The following BTAF1 variants were observed in gnomAD, a reference collection of about 807,000 sequenced individuals.
BTAF1 encodes the protein B-TFIID TATA-box binding protein associated factor 1.
In BTAF1, 38 loss-of-function variants were observed where a neutral mutation model predicts 227.1. The observed-to-expected ratio is 0.17, with a 90% confidence interval of 0.13 to 0.22. The LOEUF (loss-of-function observed/expected upper bound fraction) is 0.22, where lower values mean the gene tolerates loss of function less well. Among genes scored for constraint, BTAF1 ranks in the 10% least tolerant of loss-of-function variants. The pLI, the probability that BTAF1 is intolerant of heterozygous loss-of-function variation, is 1.00. For missense variants in BTAF1, 1,598 were observed against 2,204.0 expected (o/e 0.73, Z 5.51); for synonymous variants, 742 against 751.9 (o/e 0.99, Z 0.21).
At chr10:91,932,749 G>A (rs1844355804) in intron 1 of BTAF1, among the ~76,000 whole-genome samples, 1 of 152,226 alleles carries the variant, frequency 6.6e-6, no homozygotes, top group Non-Finnish European at 1.5e-5. Context: ...GTTTCAAGAA[G>A]GTGAAGAACT....
intron 13 of BTAF1, among the ~76,000 whole-genome samples, chr10:91,964,476 A>G (rs917932962): frequency 6.6e-6 from 1 of 152,118 alleles, no homozygotes; most frequent in African/African-American, 2.4e-5. Context: ...AAATATAATC[A>G]TTGAATAGTA....
intron 16 of BTAF1, 141 bp downstream of exon 16, chr10:91,981,933 T>C: frequency 7.4e-7 from 1 of 1,345,836 alleles, no homozygotes; most frequent in Non-Finnish European, 9.9e-7. Flanking sequence ...ATTAGGACCC[T>C]GACAAAATGA....
chr10:92,013,542 T>A, intron 30 of BTAF1, 125 bp from the exon 31 acceptor site: 1 of 1,232,460 alleles, frequency 8.1e-7, no homozygotes. Context: ...TTACACCATA[T>A]GTCTAAAAAT....
chr10:91,981,589 G>A, intron 15 of BTAF1, 54 bp from the exon 16 acceptor site: 2 of 1,519,426 alleles, frequency 1.3e-6, no homozygotes, highest in Non-Finnish European at 8.8e-7. Flanking sequence ...ATAAGTGTTA[G>A]AGTTTATTTT....
At chr10:91,958,653 A>G (rs1164546834) in intron 8 of BTAF1, among the ~76,000 whole-genome samples, 4 of 152,156 alleles carry the variant, frequency 2.6e-5, no homozygotes. Flanking sequence ...CGGTGAGCCA[A>G]GATTGCACCA....
Position 91,989,541 on chromosome 10 carries a change from T to C in BTAF1, c.2815T>C (p.Cys939Arg), listed in dbSNP as rs199619779. Residue 939 changes from cysteine (C) to arginine (R), a missense_variant, in exon 20 of 38, where the codon TGT becomes CGT. Around this residue, in one of 10 missense-constraint regions of BTAF1, gnomAD observed 425 missense variants for 491.2 expected, o/e 0.87. Coordinates refer to ENST00000265990, the MANE Select transcript of BTAF1 (RefSeq NM_003972.3). ...CCCATATCTAACTCCTTGTGTCACA[T>C]GTCCAGTACCAACACAAAGTGGCCA... is the stretch of plus-strand genomic sequence containing the variant. ...VDPYLTPCVT[C>R]PVPTQSGQEN... 182 of 1,611,404 alleles carry C rather than the reference T, an allele frequency of 1.1e-4. 1 individual carries two copies. The East Asian group carries it at 3.9e-3, about 35-fold the overall frequency.
At chr10:91,950,920 C>G (rs1845731728) in intron 4 of BTAF1, among the ~76,000 whole-genome samples, 1 of 150,010 alleles carries the variant, frequency 6.7e-6, no homozygotes, top group South Asian at 2.1e-4. Context: ...GCAGCCTTGA[C>G]CTGGGCTGAA....
chr10:91,936,319 A>G (rs1429456842), intron 2 of BTAF1, among the ~76,000 whole-genome samples: 1 of 150,094 alleles, frequency 6.7e-6, no homozygotes, highest in Non-Finnish European at 1.5e-5. Flanking sequence ...GGCAAATTCT[A>G]CACATTTAAT....
At chr10:92,009,366 C>G (rs1008382722) in intron 28 of BTAF1, among the ~76,000 whole-genome samples, 158 bp downstream of exon 28, 2 of 152,178 alleles carry the variant, frequency 1.3e-5, no homozygotes, top group African/African-American at 2.4e-5. Flanking sequence ...AAGATATAAT[C>G]AGTGAGGCTC....
Position 91,991,042 on chromosome 10 carries a change from C to T in BTAF1, c.2855-1077C>T, listed in dbSNP as rs1373497051. ...CGGGTGGATCACGAGGTCAGAAGTT[C>T]GAGACCATCCTGACTAGCATGGTGA... On this transcript the variant is annotated intron_variant, in intron 20 of 37. Coordinates refer to ENST00000265990, the MANE Select transcript of BTAF1 (RefSeq NM_003972.3). Among the ~76,000 whole-genome samples, 13 of 151,010 alleles carry T rather than the reference C, an allele frequency of 8.6e-5. No individual in the cohort carries two copies. In the East Asian group the frequency reaches 1.0e-3, roughly 12 times the overall value.
chr10:91,999,029 C>T (rs867386410), intron 25 of BTAF1, among the ~76,000 whole-genome samples: 183 of 148,310 alleles, frequency 1.2e-3, no homozygotes, highest in Middle Eastern at 0.01. Context: ...TGCCACTGCA[C>T]TCCAGCCTGG....
Position 92,030,004 on chromosome 10 carries a change from A to G in BTAF1, c.*1071A>G, listed in dbSNP as rs1851792872. ...GGTAGGTATATGTAGATAGATGTGCATGTATGTGTTTGTATATATAATTTT... is the reference window on the plus strand; with the variant it reads ...GGTAGGTATATGTAGATAGATGTGCGTGTATGTGTTTGTATATATAATTTT... On this transcript the variant is annotated 3_prime_UTR_variant, in exon 38 of 38. Coordinates refer to ENST00000265990, the MANE Select transcript of BTAF1 (RefSeq NM_003972.3). The G allele has an allele frequency of 6.6e-6, 1 of 152,578 alleles. No homozygotes were observed. The highest frequency in any genetic ancestry group is 6.5e-5 in the Admixed American group (1 of 15,274). The allele number at this position is 152,578 out of a possible 1,614,324, so 9.5% of individuals were successfully genotyped here.
intron 1 of BTAF1, among the ~76,000 whole-genome samples, chr10:91,933,912 G>T (rs774918010): frequency 6.6e-6 from 1 of 152,176 alleles, no homozygotes; most frequent in Non-Finnish European, 1.5e-5. Flanking sequence ...GATTGAATAA[G>T]GATAGAAGGG....
In BTAF1 at chr10:91,992,130, GA is replaced by G; in HGVS notation, c.2871del (p.Asp958MetfsTer13). On this transcript the variant is annotated frameshift_variant, in exon 21 of 38. Coordinates refer to ENST00000265990, the MANE Select transcript of BTAF1 (RefSeq NM_003972.3). LOFTEE classifies it high-confidence loss of function. ...GQENSKGSTSEKDGMHHTVTK... is the reference protein window; with the variant it reads ...GQENSKGSTSXKDGMHHTVTK... The stretch of plus-strand genomic sequence containing the variant: ...TTTTTTCTTATTAGGATCCACCTCA[GA>G]AAAAGATGGAATGCACCATACTGTC... The G allele has an allele frequency of 6.4e-7, 1 of 1,570,256 alleles. No homozygotes were observed. The highest frequency in any genetic ancestry group is 8.6e-7 in the Non-Finnish European group (1 of 1,157,280).
In BTAF1 at chr10:92,026,638, G is replaced by A. The variant is rs756135288; in HGVS notation, c.5122G>A (p.Val1708Ile). ...AGACGTTCTGTTACTTACCACTCAC[G>A]TTGGTGGCCTGGGACTTAATTTGAC... ...SIDVLLLTTH[V>I]GGLGLNLTGA... Residue 1708 changes from valine to isoleucine, a missense_variant, in exon 36 of 38, where the codon GTT becomes ATT. By Grantham distance (29) the Val-to-Ile change is conservative. Transcript: ENST00000265990. 4.3e-6 allele frequency: 7 copies of A among 1,613,646 alleles called. No homozygotes were observed. Among genetic ancestry groups the A allele is most frequent in the South Asian group, 3.3e-5 (3 of 91,062 alleles).
In BTAF1 at chr10:92,011,087, TA is replaced by T; in HGVS notation, c.4123del (p.Arg1375GlyfsTer4). 6.2e-7 allele frequency: 1 copy of T among 1,606,668 alleles called. No homozygotes were observed. Among genetic ancestry groups the T allele is most frequent in the Non-Finnish European group, 8.5e-7 (1 of 1,176,966 alleles). On this transcript the variant is annotated frameshift_variant, in exon 29 of 38. Coordinates refer to ENST00000265990, the MANE Select transcript of BTAF1 (RefSeq NM_003972.3). LOFTEE classifies it high-confidence loss of function. ...TCTAAATAAAGGTTACAGCACCAAG[TA>T]AAAAGGCACAATCTAATAGTGGCTT... ...PTERIRLQHQVKRHNLIVASY... is the reference protein window; with the variant it reads ...PTERIRLQHQXKRHNLIVASY...
Position 91,989,249 on chromosome 10 carries a change from A to C in BTAF1, c.2523A>C (p.Thr841=). ...GTAAACGACAGCAGGTCCAAATGAC[A>C]GTTACAGAGACCAACCAGGAGTGGC... The part of the protein sequence containing the change: ...LDSKRQQVQM[T]VTETNQEWQV... Residue 841 remains threonine, a synonymous_variant, in exon 20 of 38, where the codon ACA becomes ACC. Transcript: ENST00000265990. The C allele has an allele frequency of 1.2e-6, 2 of 1,614,214 alleles. No homozygotes were observed. Among genetic ancestry groups the C allele is most frequent in the Non-Finnish European group, 1.7e-6 (2 of 1,180,038 alleles).
intron 15 of BTAF1, 150 bp from the exon 16 acceptor site, chr10:91,981,493 T>A (rs1848058629): frequency 3.8e-6 from 3 of 791,820 alleles, no homozygotes; most frequent in Non-Finnish European, 5.4e-6. Flanking sequence ...AAAACAGTAC[T>A]GTATTTCAAA....
chr10:91,970,314 A>G (rs1847198464), intron 14 of BTAF1, among the ~76,000 whole-genome samples: 1 of 152,172 alleles, frequency 6.6e-6, no homozygotes. Flanking sequence ...GGGAAATAAA[A>G]AAAAGAAATC....
Sources: gnomAD v4.1 joint callset for allele counts (sites outside exome capture counted in the v4.1 genomes callset) on GRCh38, gnomAD v4.1.1 for gene constraint, gnomAD v4.1.1 regional missense constraint, MANE v1.5 for transcripts, NCBI Gene and HGNC (gene_info 2026-07-23, HGNC 2026-07-21) for gene names.